Variants in PLB1 observed in about 807,000 individuals in gnomAD.
PLB1 encodes the protein phospholipase B1.
PLB1 carries 242 observed loss-of-function variants against 227.4 expected under a neutral mutation model. The ratio of observed to expected loss-of-function variants is 1.06; its 90% CI spans 0.96 to 1.18. The LOEUF is 1.18. Among genes scored for constraint, PLB1 ranks in the 50% most tolerant of loss-of-function variants. PLB1 has a pLI of 0.00. For missense variants in PLB1, 1,858 were observed against 1,816.3 expected, an observed-to-expected ratio of 1.02 and a Z score of -0.42; for synonymous variants, 757 against 682.2, an observed-to-expected ratio of 1.11 and a Z score of -1.71.
chr2:28,551,658 C>G (rs1356184697), intron 16 of PLB1, among the ~76,000 whole-genome samples: 1 of 152,220 alleles, frequency 6.6e-6, no homozygotes, highest in Non-Finnish European at 1.5e-5. Flanking sequence ...CAGACTCTTT[C>G]ACTTATGGGC....
rs1690175394 is a variant in PLB1, at chr2:28,643,361, G to A, written c.*300G>A. ...CTTTTTGTGGCCTGCCTCCAGCAGG[G>A]CTGCCCAAGCCACGACCAACCAGAG... On this transcript the variant is annotated 3_prime_UTR_variant, in exon 58 of 58. Transcript: ENST00000327757. 1 of 262,462 alleles carries A rather than the reference G, an allele frequency of 3.8e-6. No individual in the cohort carries two copies. The highest frequency in any genetic ancestry group is 5.4e-5 in the Admixed American group (1 of 18,550). 16.3% of individuals were successfully genotyped at this position (262,462 alleles called of 1,614,324 possible).
At position 28,591,729 on chromosome 2, in the gene PLB1, C is replaced by T. The variant is rs755584345; in HGVS notation, c.2157C>T (p.Asp719=). Residue 719 remains aspartate, a synonymous_variant, in exon 31 of 58, where the codon GAC becomes GAT. Transcript: ENST00000327757. The stretch of plus-strand genomic sequence containing the variant: ...ATGGGACCTGGCTGCCATGCAGGGA[C>T]AGAGCCCCTTCTGCCTTGCACCCTA... ...QGHGTWLPCR[D]RAPSALHPTS... is the part of the protein sequence containing the mutation. The T allele has an allele frequency of 1.2e-6, 2 of 1,614,016 alleles. No individual in the cohort carries two copies. The highest frequency in any genetic ancestry group is 2.2e-5 in the South Asian group (2 of 91,088).
chr2:28,497,209 G>T (rs1480656052), intron 1 of PLB1, among the ~76,000 whole-genome samples: 1 of 152,162 alleles, frequency 6.6e-6, no homozygotes. Context: ...CTCTTTGGAG[G>T]TTACATATAT....
Position 28,620,905 on chromosome 2 carries a change from C to T in PLB1, c.3454C>T (p.Leu1152Phe), listed in dbSNP as rs752207009. Residue 1152 changes from leucine to phenylalanine, a missense_variant, in exon 49 of 58, where the codon CTC becomes TTC. By Grantham distance (22) the Leu-to-Phe change is conservative. Coordinates refer to ENST00000327757, the MANE Select transcript of PLB1 (RefSeq NM_153021.5). ...PNILKKFNPY[L>F]LGFSTSTWEG... is the part of the protein sequence containing the mutation. ...CATTCTGAAGAAGTTCAACCCTTAC[C>T]TCCTTGGCTTCTCTACCAGCACCTG... 22 of 1,613,924 alleles carry T rather than the reference C, an allele frequency of 1.4e-5. No individual in the cohort carries two copies. In the Admixed American group the frequency reaches 3.2e-4, roughly 23 times the overall value.
At chr2:28,560,634 T>C (rs1572976258) in intron 17 of PLB1, among the ~76,000 whole-genome samples, 1 of 152,158 alleles carries the variant, frequency 6.6e-6, no homozygotes, top group East Asian at 1.9e-4. Flanking sequence ...AGTGAGACCT[T>C]GTCTCGAAAA....
rs1055039647 is a variant in PLB1, at chr2:28,614,071, C to T, written c.3170C>T (p.Thr1057Met). 1.8e-5 allele frequency: 29 copies of T among 1,612,986 alleles called. No homozygotes were observed. Among genetic ancestry groups the T allele is most frequent in the African/African-American group, 4.0e-5 (3 of 74,824 alleles). The change falls in exon 44 of 58, where the codon ACG becomes ATG. Residue 1057 changes from threonine to methionine, a missense_variant. Thr to Met is a moderately conservative substitution (Grantham distance 81, BLOSUM62 -1). Transcript: ENST00000327757. The stretch of plus-strand genomic sequence containing the variant: ...AGAACCCCTCGGAATAGTAACTACA[C>T]GTACCCCATCAAGCCAGCCATTGAG... ...FLRTPRNSNY[T>M]YPIKPAIENW...
At chr2:28,568,989 G>A (rs1167505247) in intron 20 of PLB1, among the ~76,000 whole-genome samples, 1 of 152,204 alleles carries the variant, frequency 6.6e-6, no homozygotes, top group East Asian at 1.9e-4. Context: ...TCGCTCAGGT[G>A]ATTTCACAGT....
At chr2:28,565,971 C>G (rs776407039) in intron 19 of PLB1, among the ~76,000 whole-genome samples, 5 of 152,166 alleles carry the variant, frequency 3.3e-5, no homozygotes, top group East Asian at 1.9e-4. Flanking sequence ...GATAAAAGAT[C>G]AGGAAGCAGA....
At chr2:28,592,034 C>T (rs1311625848) in intron 31 of PLB1, among the ~76,000 whole-genome samples, 1 of 152,184 alleles carries the variant, frequency 6.6e-6, no homozygotes, top group Non-Finnish European at 1.5e-5. Context: ...CCTGTGAGCA[C>T]ACCCTTGGTG....
intron 3 of PLB1, 68 bp downstream of exon 3, chr2:28,518,600 C>G: frequency 8.3e-7 from 1 of 1,209,184 alleles, no homozygotes; most frequent in Non-Finnish European, 1.2e-6. Flanking sequence ...AGCAGAGGCT[C>G]TAACCCTATT....
chr2:28,513,396 G>C (rs972515533), intron 1 of PLB1, among the ~76,000 whole-genome samples: 1 of 152,198 alleles, frequency 6.6e-6, no homozygotes, highest in Non-Finnish European at 1.5e-5. Context: ...AGTCCCACTT[G>C]AAAGCCTGGG....
In PLB1 at chr2:28,614,094, G is replaced by C; in HGVS notation, c.3193G>C (p.Glu1065Gln). ...CACGTACCCCATCAAGCCAGCCATTGAGGTAACCCCTGACTCACATCTGCC... is the reference window on the plus strand; with the variant it reads ...CACGTACCCCATCAAGCCAGCCATTCAGGTAACCCCTGACTCACATCTGCC... ...NYTYPIKPAI[E>Q]NWGSDFLCTE... The change falls in exon 44 of 58, where the codon GAG (glutamate) becomes CAG (glutamine). Residue 1065 changes from glutamate (E) to glutamine (Q), a missense_variant and splice_region_variant. Glu to Gln is a conservative substitution (Grantham distance 29, BLOSUM62 2). Transcript: ENST00000327757. 6.2e-7 allele frequency: 1 copy of C among 1,611,248 alleles called. No homozygotes were observed. Among genetic ancestry groups the C allele is most frequent in the Non-Finnish European group, 8.5e-7 (1 of 1,177,526 alleles).
In PLB1 at chr2:28,516,862, G is replaced by A. The variant is rs1668907387; in HGVS notation, c.110G>A (p.Trp37Ter). Residue 37 changes from tryptophan to a stop codon, truncating the protein, a stop_gained, in exon 2 of 58, where the codon TGG (tryptophan) becomes TAG (stop). Coordinates refer to ENST00000327757, the MANE Select transcript of PLB1 (RefSeq NM_153021.5). LOFTEE classifies it high-confidence loss of function. The stretch of plus-strand genomic sequence containing the variant: ...AAGAGTACATTGGAAGGGCAGCTAT[G>A]GCCAGAGGTAAGGGCTTTGGCTGGT... ...PRKSTLEGQL[W>*]PETLKNSPFP... 1 of 1,613,808 alleles carries A rather than the reference G, an allele frequency of 6.2e-7. No individual in the cohort carries two copies. The highest frequency in any genetic ancestry group is 8.5e-7 in the Non-Finnish European group (1 of 1,179,690).
chr2:28,589,692 C>T lies in PLB1; in HGVS notation c.1938C>T (p.Asn646=), dbSNP rs1681541960. 1.9e-6 allele frequency: 3 copies of T among 1,614,126 alleles called. No individual in the cohort carries two copies. Among genetic ancestry groups the T allele is most frequent in the Non-Finnish European group, 2.5e-6 (3 of 1,180,000 alleles). The change falls in exon 28 of 58, where the codon AAC becomes AAT. Residue 646 remains asparagine, a synonymous_variant. Transcript: ENST00000327757. The part of the protein sequence containing the change: ...MPKTSEGLPD[N]SFFAPDCFHF... Reference sequence around the variant, plus strand: ...GTGACCAGGAAGGATTGCCTGACAACTCTTTCTTCGCTCCTGACTGTTTCC... The same window carrying T: ...GTGACCAGGAAGGATTGCCTGACAATTCTTTCTTCGCTCCTGACTGTTTCC...
chr2:28,571,579 A>G (rs556413103), intron 20 of PLB1, among the ~76,000 whole-genome samples: 1 of 152,262 alleles, frequency 6.6e-6, no homozygotes, highest in Non-Finnish European at 1.5e-5. Flanking sequence ...AAGACGTGGT[A>G]CTAGCATGAG....
rs370666709 is a variant in PLB1 at position 28,589,564 on chromosome 2, G to A, written c.1920+10G>A. 1.1e-5 allele frequency: 17 copies of A among 1,613,522 alleles called. No homozygotes were observed. The highest frequency in any genetic ancestry group is 1.4e-5 in the Non-Finnish European group (16 of 1,179,554). ...CATGCCAAAGACCTCGGTAAAGAAA[G>A]CAAGCATCGTAGAAAAATAGAATCC... is the stretch of plus-strand genomic sequence containing the variant. On this transcript the variant is annotated intron_variant, in intron 27 of 57. Transcript: ENST00000327757.
chr2:28,592,410 TC>T (rs1682119895), intron 31 of PLB1, among the ~76,000 whole-genome samples: 1 of 151,128 alleles, frequency 6.6e-6, no homozygotes, highest in Non-Finnish European at 1.5e-5. Flanking sequence ...CTTCTCCCTT[TC>T]CCCACTTTTC....
At chr2:28,636,758 A>T (rs1374165440) in intron 56 of PLB1, among the ~76,000 whole-genome samples, 1 of 152,194 alleles carries the variant, frequency 6.6e-6, no homozygotes, top group Non-Finnish European at 1.5e-5. Flanking sequence ...AAACTTCAAC[A>T]ACATACAATA....
rs527259332 is a variant in PLB1, at chr2:28,592,074, A to G, written c.2188+314A>G. 4.9e-4 allele frequency among the ~76,000 whole-genome samples: 74 copies of G among 152,286 alleles called. 1 individual carries two copies. Among genetic ancestry groups the G allele is most frequent in the Admixed American group, 1.8e-3 (28 of 15,292 alleles). On this transcript the variant is annotated intron_variant, in intron 31 of 57. Transcript: ENST00000327757. ...AGCCCAGAGGTGGGCCCCAGTCCCA[A>G]GAGGAAGCTGGCTCTGTGGCCCTAG...
Sources: allele counts gnomAD v4.1 joint callset (sites outside exome capture counted in the v4.1 genomes callset), GRCh38; gene constraint gnomAD v4.1.1; transcripts MANE v1.5; gene names NCBI Gene and HGNC (gene_info 2026-07-23, HGNC 2026-07-21).